SBF2: variants seen among roughly 807,000 people sequenced by gnomAD.
SBF2 encodes the protein myotubularin-related protein 13.
Under a neutral mutation model 225.2 loss-of-function variants are expected in SBF2, and 112 were observed. The ratio of observed to expected loss-of-function variants is 0.50; its 90% CI spans 0.43 to 0.58. SBF2 has a LOEUF of 0.58. Ranked by LOEUF, SBF2 falls within the 20% of genes least tolerant of loss-of-function variation. The probability of loss-of-function intolerance (pLI) is 0.00; values close to 1 mark genes in which losing one functional copy is unlikely to be tolerated. For missense variants in SBF2, 1,996 were observed against 2,206.2 expected, an observed-to-expected ratio of 0.90 and a Z score of 1.91; for synonymous variants, 763 against 773.3, an observed-to-expected ratio of 0.99 and a Z score of 0.22.
At chr11:10,279,983 C>T (rs1001209346) in intron 1 of SBF2, among the ~76,000 whole-genome samples, 2 of 152,224 alleles carry the variant, frequency 1.3e-5, no homozygotes, top group Admixed American at 1.3e-4. Context: ...CATTATAGAA[C>T]ACAGTTTTCA....
intron 16 of SBF2, among the ~76,000 whole-genome samples, chr11:9,902,253 A>G (rs927067410): frequency 2.2e-4 from 33 of 152,192 alleles, no homozygotes; most frequent in Non-Finnish European, 2.9e-5. Flanking sequence ...CTTCATCTAC[A>G]TAATAAGGGC....
Position 10,303,364 on chromosome 11 carries a change from T to C in SBF2, n.386+1128A>G, listed in dbSNP as rs1964615646. The stretch of plus-strand genomic sequence containing the variant: ...TGGAATTCAGGTCCGCTCAGGTGAC[T>C]CCTTCCAGGAAGAGTCCTTAAATAA... On this transcript the variant is annotated intron_variant and non_coding_transcript_variant, in intron 1 of 5. Transcript: ENST00000685217. The surrounding 1 kb of genome is among the most constrained non-coding windows in gnomAD (Gnocchi z 5.2). 3 of 152,336 alleles carry C rather than the reference T, an allele frequency of 2.0e-5. No homozygotes were observed. The highest frequency in any genetic ancestry group is 1.3e-4 in the Admixed American group (2 of 15,288). 9.4% of individuals were successfully genotyped at this position (152,336 alleles called of 1,614,324 possible). A position where few individuals can be genotyped will look rare whatever the true frequency, so the allele number is the denominator to read the frequency against.
chr11:10,154,475 T>C (rs1955370990), intron 2 of SBF2, among the ~76,000 whole-genome samples: 1 of 152,158 alleles, frequency 6.6e-6, no homozygotes, highest in Non-Finnish European at 1.5e-5. Flanking sequence ...TCAGTTATCA[T>C]ACTTTTTCAG....
intron 17 of SBF2, among the ~76,000 whole-genome samples, chr11:9,885,272 A>C (rs1157786999): frequency 6.7e-6 from 1 of 149,984 alleles, no homozygotes; most frequent in Non-Finnish European, 1.5e-5. Flanking sequence ...AAAAAAAAAA[A>C]AAAACCCCAC....
intron 6 of SBF2, among the ~76,000 whole-genome samples, chr11:10,028,240 C>T (rs1040655025): frequency 1.3e-5 from 2 of 151,492 alleles, no homozygotes; most frequent in African/African-American, 4.9e-5. Flanking sequence ...GTCTAACTGA[C>T]CTAAGGAAAA....
intron 1 of SBF2, among the ~76,000 whole-genome samples, chr11:10,258,342 A>C (rs1961084884): frequency 6.6e-6 from 1 of 152,188 alleles, no homozygotes. Context: ...TCCCAGCCTC[A>C]AACAAACCTC....
chr11:9,996,989 A>C (rs1947731848), intron 9 of SBF2, among the ~76,000 whole-genome samples: 1 of 152,160 alleles, frequency 6.6e-6, no homozygotes, highest in Non-Finnish European at 1.5e-5. Context: ...ATCCCACACT[A>C]GTGTCTTTTG....
chr11:9,971,089 C>T (rs1302414270), intron 13 of SBF2, among the ~76,000 whole-genome samples: 1 of 151,716 alleles, frequency 6.6e-6, no homozygotes, highest in Admixed American at 6.6e-5. Context: ...GGGTAGGTAT[C>T]TTTTTTTTCA....
chr11:9,976,964 G>A (rs1946721402), intron 13 of SBF2, among the ~76,000 whole-genome samples: 2 of 151,858 alleles, frequency 1.3e-5, no homozygotes, highest in South Asian at 4.2e-4. Context: ...TAGAGACGGG[G>A]TTTCACCGTG....
intron 1 of SBF2, among the ~76,000 whole-genome samples, chr11:10,221,481 T>C (rs1700673618): frequency 6.6e-6 from 1 of 152,162 alleles, no homozygotes; most frequent in Non-Finnish European, 1.5e-5. Context: ...AATAGTGATA[T>C]TCAAAATGAC....
chr11:9,942,362 T>C (rs1200594646), intron 16 of SBF2, among the ~76,000 whole-genome samples: 3 of 152,220 alleles, frequency 2.0e-5, no homozygotes, highest in African/African-American at 4.8e-5. Flanking sequence ...CCATACAGTG[T>C]TATGAAAGAC....
intron 2 of SBF2, among the ~76,000 whole-genome samples, chr11:10,129,574 T>C (rs910442467): frequency 6.6e-6 from 1 of 152,220 alleles, no homozygotes; most frequent in Non-Finnish European, 1.5e-5. Context: ...AAGCAATTAA[T>C]TGGGAATCAT....
intron 2 of SBF2, among the ~76,000 whole-genome samples, chr11:10,139,309 TAG>T (rs1384951853): frequency 1.3e-5 from 2 of 152,204 alleles, no homozygotes; most frequent in African/African-American, 4.8e-5. Context: ...AGGCATATTG[TAG>T]AGTCTCCAGC....
At chr11:10,065,120 T>C (rs1046766741) in intron 2 of SBF2, among the ~76,000 whole-genome samples, 2 of 151,958 alleles carry the variant, frequency 1.3e-5, no homozygotes, top group African/African-American at 4.8e-5. Context: ...AACAGAAATA[T>C]CTCTTGAAAA....
At chr11:9,839,175 T>A (rs993326834) in intron 26 of SBF2, 1 of 356,284 alleles carries the variant, frequency 2.8e-6, no homozygotes, top group African/African-American at 2.1e-5. Context: ...AAGACTTTCA[T>A]GTCCTCTATT....
At chr11:10,139,019 C>CA (rs1274181374) in intron 2 of SBF2, among the ~76,000 whole-genome samples, 206 of 152,000 alleles carry the variant, frequency 1.4e-3, no homozygotes, top group African/African-American at 4.5e-3. Context: ...CTATGGAAAA[C>CA]CATGTAAGAA....
At chr11:9,896,887 T>G (rs188361760) in intron 16 of SBF2, among the ~76,000 whole-genome samples, 1 of 151,766 alleles carries the variant, frequency 6.6e-6, no homozygotes, top group African/African-American at 2.4e-5. Flanking sequence ...TGCTGATGAA[T>G]AGAAAGGTCA....
rs139018186 is a variant in SBF2, at chr11:10,024,760, A to T, written c.619+3692T>A. Among the ~76,000 whole-genome samples, 940 of 152,214 alleles carry T rather than the reference A, an allele frequency of 6.2e-3. 2 individuals are homozygous for T. Among genetic ancestry groups the T allele is most frequent in the Non-Finnish European group, 8.9e-3 (603 of 68,010 alleles). On this transcript the variant is annotated intron_variant, in intron 6 of 39. Transcript: ENST00000256190. ...GGAAGGGGCTGATACAGGTAACATA[A>T]AATTGCTCTATTTACACATTTCAAT...
chr11:9,988,209 C>A (rs1388807493), intron 13 of SBF2, among the ~76,000 whole-genome samples: 1 of 152,080 alleles, frequency 6.6e-6, no homozygotes, highest in Non-Finnish European at 1.5e-5. Flanking sequence ...TGGTTAGCCA[C>A]ATGTAGGAGA....
Sources: gnomAD v4.1 joint callset for allele counts (sites outside exome capture counted in the v4.1 genomes callset) on GRCh38, gnomAD v4.1.1 for gene constraint, Gnocchi (gnomAD v3.1) non-coding constraint, MANE v1.5 for transcripts, NCBI Gene and HGNC (gene_info 2026-07-23, HGNC 2026-07-21) for gene names.